Variants in DNAH3 observed in about 807,000 individuals in gnomAD.
The protein encoded by DNAH3 is axonemal beta dynein heavy chain 3.
In DNAH3, 332 loss-of-function variants were observed where a neutral mutation model predicts 432.5. The ratio of observed to expected loss-of-function variants is 0.77; its 90% CI spans 0.70 to 0.84. DNAH3 has a LOEUF of 0.84. Ranked by LOEUF, DNAH3 falls within the 40% of genes least tolerant of loss-of-function variation. DNAH3 has a pLI of 0.00. For missense variants in DNAH3, 4,861 were observed against 5,114.0 expected (o/e 0.95, Z 1.51); for synonymous variants, 1,956 against 1,900.2 (o/e 1.03, Z -0.76).
At chr16:20,947,968 G>A (rs942954022) in intron 57 of DNAH3, among the ~76,000 whole-genome samples, 1 of 151,984 alleles carries the variant, frequency 6.6e-6, no homozygotes, top group Non-Finnish European at 1.5e-5. Flanking sequence ...AAGAGATGGG[G>A]TTTCACCATG....
At chr16:21,042,156 T>C in exon 32 of DNAH3, 1 of 1,612,544 alleles carries the variant, frequency 6.2e-7, no homozygotes, top group Admixed American at 1.7e-5. Context: ...GAATGATGGC[T>C]TGTTGGATGC....
intron 30 of DNAH3, 61 bp from the exon 31 acceptor site, chr16:21,049,743 C>G: frequency 6.6e-7 from 1 of 1,507,398 alleles, no homozygotes; most frequent in Non-Finnish European, 9.2e-7. Flanking sequence ...TGAATTACCC[C>G]GCACCATTCA....
chr16:21,010,891 TTTTTTTTTTTG>T (rs1407236086), intron 41 of DNAH3, among the ~76,000 whole-genome samples: 6 of 72,072 alleles, frequency 8.3e-5, no homozygotes, highest in African/African-American at 2.9e-4. Flanking sequence ...AAAACCTGTT[TTTTTTTTTTTG>T]TTTTTTTTTG....
chr16:21,131,537 GAAA>G (rs2092561505), intron 7 of DNAH3, among the ~76,000 whole-genome samples: 1 of 150,876 alleles, frequency 6.6e-6, no homozygotes, highest in Non-Finnish European at 1.5e-5. Context: ...AGGAAAGAAA[GAAA>G]AAGAAAGGAA....
rs144076537 is a variant in DNAH3, at chr16:20,984,636, G to A, written c.7665+441C>T. Among the ~76,000 whole-genome samples, 131 of 152,240 alleles carry A rather than the reference G, an allele frequency of 8.6e-4. 1 individual carries two copies. Among genetic ancestry groups the A allele is most frequent in the African/African-American group, 3.0e-3 (124 of 41,544 alleles). On this transcript the variant is annotated intron_variant, in intron 48 of 61. Transcript: ENST00000261383. Reference sequence around the variant, plus strand: ...TGTAATCCCAGCACTTCGGGAGGCCGAGGCGGGCAGATCACTTGAAGCCAG... The same window carrying A: ...TGTAATCCCAGCACTTCGGGAGGCCAAGGCGGGCAGATCACTTGAAGCCAG...
At chr16:20,941,583 C>A (rs927313490) in intron 58 of DNAH3, 40 bp from the exon 59 acceptor site, 3 of 1,609,722 alleles carry the variant, frequency 1.9e-6, no homozygotes, top group Middle Eastern at 1.7e-4. Flanking sequence ...GAGAAGCAAG[C>A]CCTACAGGCT....
Position 21,041,917 on chromosome 16 carries a change from C to T in DNAH3, c.4638+110G>A. ...CGAGCTCCTGACCTCAGGTGATTTG[C>T]CCACCTTGGCCTCCCAAAGTGCTGG... On this transcript the variant is annotated intron_variant, in intron 32 of 61. Coordinates refer to ENST00000261383, the Ensembl canonical transcript of DNAH3. 6 of 1,263,602 alleles carry T rather than the reference C, an allele frequency of 4.7e-6. No individual in the cohort carries two copies. The South Asian group carries it at 7.5e-5, about 16-fold the overall frequency. The allele number at this position is 1,263,602 out of a possible 1,614,324, so 78.3% of individuals were successfully genotyped here. A position where few individuals can be genotyped will look rare whatever the true frequency, so the allele number is the denominator to read the frequency against.
chr16:20,949,796 A>C (rs2084230649), intron 56 of DNAH3, among the ~76,000 whole-genome samples: 1 of 152,176 alleles, frequency 6.6e-6, no homozygotes, highest in African/African-American at 2.4e-5. Context: ...TTGTTATCTC[A>C]GCCTAACTAG....
At chr16:20,994,758 T>G (rs2086691939) in intron 44 of DNAH3, among the ~76,000 whole-genome samples, 1 of 152,226 alleles carries the variant, frequency 6.6e-6, no homozygotes, top group African/African-American at 2.4e-5. Context: ...TGCCTTTTTG[T>G]GAATGGTTTA....
intron 7 of DNAH3, among the ~76,000 whole-genome samples, chr16:21,128,326 A>G (rs1322712484): frequency 6.6e-6 from 1 of 151,986 alleles, no homozygotes; most frequent in African/African-American, 2.4e-5. Context: ...AGGAGAGAGG[A>G]TGGCTTTGAG....
intron 37 of DNAH3, among the ~76,000 whole-genome samples, chr16:21,027,419 G>A (rs1420228119): frequency 6.6e-6 from 1 of 150,948 alleles, no homozygotes. Context: ...AGAAGAGGGG[G>A]TTGCATCTAC....
At chr16:21,156,185 ATTTTATTTTATTTTATTTAT>A (rs1254421993) in intron 1 of DNAH3, among the ~76,000 whole-genome samples, 18 of 147,566 alleles carry the variant, frequency 1.2e-4, no homozygotes, top group African/African-American at 4.2e-4. Flanking sequence ...ATTTTATTTT[ATTTTATTTTATTTTATTTAT>A]TTTATTTTAT....
exon 53 of DNAH3, chr16:20,963,918 C>T (rs1296758101): frequency 1.2e-6 from 2 of 1,614,134 alleles, no homozygotes; most frequent in South Asian, 2.2e-5. Flanking sequence ...TGAACCAAGT[C>T]AGGGAGTACT....
At chr16:20,997,201 C>G in intron 44 of DNAH3, 82 bp downstream of exon 44, 1 of 1,462,442 alleles carries the variant, frequency 6.8e-7, no homozygotes, top group African/African-American at 1.4e-5. Flanking sequence ...CAGACTGTGG[C>G]ACACCAACCC....
intron 19 of DNAH3, among the ~76,000 whole-genome samples, chr16:21,085,560 G>A (rs1281279869): frequency 6.7e-6 from 1 of 150,186 alleles, no homozygotes; most frequent in Admixed American, 6.7e-5. Context: ...AAAAACAGAG[G>A]TCTACTCAGA....
chr16:20,987,805 T>C, exon 46 of DNAH3: 1 of 1,614,074 alleles, frequency 6.2e-7, no homozygotes, highest in South Asian at 1.1e-5. Context: ...CTCCACTGCA[T>C]CTCTATAAAT....
intron 1 of DNAH3, among the ~76,000 whole-genome samples, chr16:21,149,428 A>G (rs2092826026): frequency 6.6e-6 from 1 of 152,212 alleles, no homozygotes; most frequent in Admixed American, 6.5e-5. Context: ...CAACACAGAT[A>G]CAACAGAAAT....
At chr16:20,981,524 A>G (rs1008363795) in intron 49 of DNAH3, among the ~76,000 whole-genome samples, 2 of 152,094 alleles carry the variant, frequency 1.3e-5, no homozygotes, top group Admixed American at 1.3e-4. Flanking sequence ...ACTTAAGGTC[A>G]GTTGAGCCTG....
chr16:20,971,332 T>G (rs947886887), intron 51 of DNAH3, among the ~76,000 whole-genome samples: 1 of 152,160 alleles, frequency 6.6e-6, no homozygotes, highest in Non-Finnish European at 1.5e-5. Flanking sequence ...ATTCCTACTG[T>G]GCATTCGGTA....
Sources: allele counts gnomAD v4.1 joint callset (sites outside exome capture counted in the v4.1 genomes callset), GRCh38; gene constraint gnomAD v4.1.1; transcripts MANE v1.5; gene names NCBI Gene and HGNC (gene_info 2026-07-23, HGNC 2026-07-21).